The following CNMD variants were observed in gnomAD, a reference collection of about 807,000 sequenced individuals.
CNMD encodes the protein chondromodulin.
Under a neutral mutation model 37.5 loss-of-function variants are expected in CNMD, and 30 were observed. The observed-to-expected ratio is 0.80, with a 90% CI of 0.60 to 1.09. The LOEUF (loss-of-function observed/expected upper bound fraction) is 1.09. Ranked by LOEUF, CNMD falls within the 50% of genes least tolerant of loss-of-function variation. CNMD has a pLI of 0.00. For missense variants in CNMD, 398 were observed against 423.9 expected, an observed-to-expected ratio of 0.94 and a Z score of 0.54; for synonymous variants, 167 against 148.2, an observed-to-expected ratio of 1.13 and a Z score of -0.92.
rs370612662 is a variant in CNMD at position 52,727,577 on chromosome 13, G to GTA, written c.355-3469_355-3468dup. On this transcript the variant is annotated intron_variant, in intron 3 of 6. Transcript: ENST00000377962. ...TACTTGGAAGGGAGAAGGATCACTG[G>GTA]TATATATATATATATCCACAATGGA... 2.7e-3 allele frequency among the ~76,000 whole-genome samples: 412 copies of GTA among 149,890 alleles called. 1 individual carries two copies. The highest frequency in any genetic ancestry group is 9.0e-3 in the African/African-American group (367 of 40,974).
At position 52,724,181 on chromosome 13, in the gene CNMD, G is replaced by C. The variant is rs1964532185; in HGVS notation, c.355-71C>G. 3.5e-6 allele frequency: 4 copies of C among 1,147,614 alleles called. 1 individual carries two copies. In the Admixed American group the frequency reaches 7.0e-5, roughly 20 times the overall value. The allele number at this position is 1,147,614 out of a possible 1,614,324, so 71.1% of individuals were successfully genotyped here. The stretch of plus-strand genomic sequence containing the variant: ...ATTCGATTTATTGAGTGTCTACTGT[G>C]TTCCAGATGCTGTTCCGGGTGCTAG... On this transcript the variant is annotated intron_variant, in intron 3 of 6. Coordinates refer to ENST00000377962, the MANE Select transcript of CNMD (RefSeq NM_007015.3).
intron 5 of CNMD, among the ~76,000 whole-genome samples, chr13:52,711,181 G>A (rs1566219453): frequency 6.6e-6 from 1 of 152,190 alleles, no homozygotes; most frequent in East Asian, 1.9e-4. Flanking sequence ...TGTCAAATGA[G>A]TGAATGAACT....
Position 52,739,180 on chromosome 13 carries a change from CG to C in CNMD, c.73-10del. 1.4e-6 allele frequency: 2 copies of C among 1,473,238 alleles called. No homozygotes were observed. Among genetic ancestry groups the C allele is most frequent in the Non-Finnish European group, 8.9e-7 (1 of 1,117,854 alleles). The allele number at this position is 1,473,238 out of a possible 1,614,324, so 91.3% of individuals were successfully genotyped here. ...GTCAGCGTAGCGTACGCCTGCGGGC[CG>C]GGGCGGGAGAGGGACCGTCGCGTTT... On this transcript the variant is annotated splice_polypyrimidine_tract_variant and intron_variant, in intron 1 of 6. Transcript: ENST00000377962. This position sits in a 1 kb window ranked among gnomAD's most constrained non-coding sequence, Gnocchi z 5.4.
chr13:52,704,807 A>G (rs992880210), intron 6 of CNMD, among the ~76,000 whole-genome samples: 2 of 152,182 alleles, frequency 1.3e-5, no homozygotes, highest in East Asian at 1.9e-4. Context: ...CATGCCTGCA[A>G]TCCCAGCACT....
At position 52,703,580 on chromosome 13, in the gene CNMD, A is replaced by G; in HGVS notation, c.*15T>C. The G allele has an allele frequency of 7.0e-6, 11 of 1,569,280 alleles. No homozygotes were observed. The highest frequency in any genetic ancestry group is 9.6e-6 in the Non-Finnish European group (11 of 1,141,036). On this transcript the variant is annotated 3_prime_UTR_variant, in exon 7 of 7. Transcript: ENST00000377962. ...GCTAGTTCTTATTTTACAGCACATG[A>G]TATATGAAGTGATTTCACACCATGC...
At chr13:52,713,979 G>A (rs919483803) in intron 4 of CNMD, among the ~76,000 whole-genome samples, 1 of 152,106 alleles carries the variant, frequency 6.6e-6, no homozygotes, top group African/African-American at 2.4e-5. Flanking sequence ...AAGCAGCAAT[G>A]AGCCCAGCCC....
Position 52,708,590 on chromosome 13 carries a change from G to C in CNMD, c.735C>G (p.Thr245=). 6.2e-7 allele frequency: 1 copy of C among 1,613,972 alleles called. No individual in the cohort carries two copies. Among genetic ancestry groups the C allele is most frequent in the Non-Finnish European group, 8.5e-7 (1 of 1,179,916 alleles). ...GTGAGTCCTCTTGAACACTGGGTCT[G>C]GTTTCATTATTCAGTCTTCCAGCGC... ...NPGAGRLNNE[T]RPSVQEDSQA... is the part of the protein sequence containing the mutation. Residue 245 remains threonine, a synonymous_variant, in exon 6 of 7, where the codon ACC becomes ACG. Coordinates refer to ENST00000377962, the MANE Select transcript of CNMD (RefSeq NM_007015.3).
intron 4 of CNMD, among the ~76,000 whole-genome samples, chr13:52,721,098 G>T (rs1046358576): frequency 6.6e-6 from 1 of 152,152 alleles, no homozygotes; most frequent in African/African-American, 2.4e-5. Context: ...TGTTTACACT[G>T]TGAGAGGAAA....
rs1964123260 is a variant in CNMD, at chr13:52,703,644, ACT to A, written c.954_955del (p.Arg318SerfsTer6). On this transcript the variant is annotated frameshift_variant, in exon 7 of 7. Coordinates refer to ENST00000377962, the MANE Select transcript of CNMD (RefSeq NM_007015.3). LOFTEE classifies it high-confidence loss of function. ...CACCCACCAGCTACATGGCATGATG[ACT>A]CTGCAGGCCGAACGGCAGCCTTGAT... 2 of 1,613,828 alleles carry A rather than the reference ACT, an allele frequency of 1.2e-6. No homozygotes were observed. The highest frequency in any genetic ancestry group is 1.3e-5 in the African/African-American group (1 of 74,916).
At chr13:52,707,532 C>T (rs1364721507) in intron 6 of CNMD, among the ~76,000 whole-genome samples, 1 of 152,164 alleles carries the variant, frequency 6.6e-6, no homozygotes, top group Admixed American at 6.5e-5. Context: ...CCTGCCTGTG[C>T]ACAGAGCCTG....
chr13:52,739,306 G>T lies in CNMD; in HGVS notation c.73-135C>A. The T allele has an allele frequency of 9.1e-7, 1 of 1,100,582 alleles. No individual in the cohort carries two copies. The highest frequency in any genetic ancestry group is 3.5e-5 in the Admixed American group (1 of 28,788). The allele number at this position is 1,100,582 out of a possible 1,614,324, so 68.2% of individuals were successfully genotyped here. A position where few individuals can be genotyped will look rare whatever the true frequency, so the allele number is the denominator to read the frequency against. On this transcript the variant is annotated intron_variant, in intron 1 of 6. Transcript: ENST00000377962. This position sits in a 1 kb window ranked among gnomAD's most constrained non-coding sequence, Gnocchi z 5.4. ...GGAAACAGCTCGCCCGGGCTCCTAC[G>T]GGTGCCCCTTTCGCCGCGCTCCCTC...
intron 4 of CNMD, among the ~76,000 whole-genome samples, chr13:52,718,948 T>C (rs1964435082): frequency 1.3e-5 from 2 of 152,144 alleles, no homozygotes; most frequent in Admixed American, 1.3e-4. Flanking sequence ...CCACTATTAT[T>C]ATGTGGGAGT....
At chr13:52,719,490 C>T (rs529604278) in intron 4 of CNMD, among the ~76,000 whole-genome samples, 6 of 152,320 alleles carry the variant, frequency 3.9e-5, no homozygotes, top group Admixed American at 6.5e-5. Context: ...ATATTTAGTG[C>T]TTCCTTCAGG....
chr13:52,720,662 T>C (rs1380208386), intron 4 of CNMD, among the ~76,000 whole-genome samples: 1 of 152,184 alleles, frequency 6.6e-6, no homozygotes, highest in Non-Finnish European at 1.5e-5. Flanking sequence ...TGCTGTCTGT[T>C]CCTTCCTCTG....
intron 4 of CNMD, among the ~76,000 whole-genome samples, chr13:52,722,526 C>T (rs942125415): frequency 6.6e-6 from 1 of 152,138 alleles, no homozygotes; most frequent in Admixed American, 6.5e-5. Context: ...TGTATGCATA[C>T]CCCCAGCTTA....
chr13:52,706,872 T>A (rs1032628232), intron 6 of CNMD, among the ~76,000 whole-genome samples: 1 of 152,052 alleles, frequency 6.6e-6, no homozygotes, highest in Non-Finnish European at 1.5e-5. Context: ...GTACTGTTTT[T>A]AAAAAATTTC....
Position 52,733,319 on chromosome 13 carries a change from A to G in CNMD, c.254T>C (p.Leu85Ser). 1 of 1,613,818 alleles carries G rather than the reference A, an allele frequency of 6.2e-7. No individual in the cohort carries two copies. Among genetic ancestry groups the G allele is most frequent in the East Asian group, 2.2e-5 (1 of 44,876 alleles). The change falls in exon 3 of 7, where the codon TTA becomes TCA. Residue 85 changes from leucine to serine, a missense_variant. Transcript: ENST00000377962. ...GTCTATTTCCATTGACCCATCTTGT[A>G]ATTTCCCATTGATACTCATGGTGTA... Reference protein sequence around the residue: ...VHYTMSINGKLQDGSMEIDAG... With the variant: ...VHYTMSINGKSQDGSMEIDAG...
At chr13:52,723,109 T>C (rs1011144093) in intron 4 of CNMD, among the ~76,000 whole-genome samples, 3 of 152,278 alleles carry the variant, frequency 2.0e-5, no homozygotes, top group Admixed American at 2.0e-4. Context: ...TTTTATTTTT[T>C]GAGATAGAGT....
chr13:52,737,436 C>T (rs1216801829), intron 2 of CNMD, among the ~76,000 whole-genome samples: 3 of 152,144 alleles, frequency 2.0e-5, no homozygotes, highest in South Asian at 2.1e-4. Flanking sequence ...TAATACTGCT[C>T]TCCTGAACCA....
Sources: gnomAD v4.1 joint callset for allele counts (sites outside exome capture counted in the v4.1 genomes callset) on GRCh38, gnomAD v4.1.1 for gene constraint, Gnocchi (gnomAD v3.1) non-coding constraint, MANE v1.5 for transcripts, NCBI Gene and HGNC (gene_info 2026-07-23, HGNC 2026-07-21) for gene names.